The following NRG1 variants were observed in gnomAD, a reference collection of about 807,000 sequenced individuals.
The protein encoded by NRG1 is pro-neuregulin-1, membrane-bound isoform.
NRG1 carries 18 observed loss-of-function variants against 63.8 expected under a neutral mutation model. That is an observed-to-expected ratio of 0.28 (90% confidence interval 0.19 to 0.42). NRG1 has a LOEUF of 0.42. Among genes scored for constraint, NRG1 ranks in the 10% least tolerant of loss-of-function variants. The probability of loss-of-function intolerance (pLI) is 1.00; values close to 1 mark genes in which losing one functional copy is unlikely to be tolerated. For missense variants in NRG1, 762 were observed against 814.7 expected, an observed-to-expected ratio of 0.94 and a Z score of 0.79; for synonymous variants, 302 against 301.3, an observed-to-expected ratio of 1.00 and a Z score of -0.02.
chr8:32,468,199 T>C (rs1314723532), intron 1 of NRG1, among the ~76,000 whole-genome samples: 1 of 152,140 alleles, frequency 6.6e-6, no homozygotes, highest in Non-Finnish European at 1.5e-5. Flanking sequence ...GGGAACCTAC[T>C]CTTTGAGATA....
chr8:31,932,925 C>A (rs1834983516), intron 1 of NRG1, among the ~76,000 whole-genome samples: 1 of 152,088 alleles, frequency 6.6e-6, no homozygotes, highest in Admixed American at 6.6e-5. Flanking sequence ...CCCTTTAATG[C>A]AAATGTAAGG....
chr8:32,049,234 T>G (rs1219956687), intron 1 of NRG1, among the ~76,000 whole-genome samples: 3 of 152,122 alleles, frequency 2.0e-5, no homozygotes, highest in Admixed American at 2.0e-4. Flanking sequence ...CTGCAGAGCT[T>G]GGTATCAGGC....
intron 1 of NRG1, chr8:32,442,562 C>G (rs1032487064): frequency 6.6e-6 from 1 of 152,258 alleles, no homozygotes; most frequent in Non-Finnish European, 1.5e-5. Flanking sequence ...CTGAGATATT[C>G]GAAAGTCCAG....
chr8:31,981,230 G>T lies in NRG1; in HGVS notation c.37+341799G>T, dbSNP rs569676745. On this transcript the variant is annotated intron_variant, in intron 1 of 10. Coordinates refer to the NRG1 transcript ENST00000519301. ...TATTATCTTCATGTTCCTGGAATTT[G>T]TGATACAAAGAACAATGTATAGCCA... Among the ~76,000 whole-genome samples, 12 of 152,094 alleles carry T rather than the reference G, an allele frequency of 7.9e-5. No individual in the cohort carries two copies. The East Asian group carries it at 1.4e-3, about 17-fold the overall frequency.
chr8:32,245,454 A>G (rs7012841), intron 1 of NRG1, among the ~76,000 whole-genome samples: 24,892 of 152,074 alleles, frequency 0.16, 2,199 homozygotes, highest in East Asian at 0.28. Flanking sequence ...TTTTCCACAA[A>G]GGAGGGGAAG....
Position 32,125,745 on chromosome 8 carries a change from T to G in NRG1, c.38-470083T>G, listed in dbSNP as rs1198139641. On this transcript the variant is annotated intron_variant, in intron 1 of 10. Coordinates refer to the NRG1 transcript ENST00000519301. ...CCTGCACACATCATTTCCCCAAGTC[T>G]TTTGATAAGAAAGATCTCCTTTTTA... 2.0e-5 allele frequency among the ~76,000 whole-genome samples: 3 copies of G among 151,952 alleles called. No individual in the cohort carries two copies. The East Asian group carries it at 5.8e-4, about 29-fold the overall frequency.
intron 1 of NRG1, among the ~76,000 whole-genome samples, chr8:32,407,342 T>A (rs1157197054): frequency 2.2e-5 from 3 of 134,208 alleles, no homozygotes; most frequent in Non-Finnish European, 4.8e-5. Flanking sequence ...TGGCCAACCA[T>A]ATATCTATTA....
At chr8:31,834,330 C>CACACACACACAT (rs34893626) in intron 1 of NRG1, among the ~76,000 whole-genome samples, 2,511 of 151,442 alleles carry the variant, frequency 0.017, 52 homozygotes, top group East Asian at 0.068. Flanking sequence ...CACACACACA[C>CACACACACACAT]GCACACCAAT....
intron 1 of NRG1, among the ~76,000 whole-genome samples, chr8:31,813,524 T>TCTTTTCTTTTC (rs1196353618): frequency 1.1e-4 from 15 of 139,708 alleles, no homozygotes; most frequent in South Asian, 4.6e-4. Context: ...TTCTTTTTTT[T>TCTTTTCTTTTC]TTTTTTTTTG....
At chr8:31,768,751 A>G (rs936816718) in intron 1 of NRG1, among the ~76,000 whole-genome samples, 2 of 152,184 alleles carry the variant, frequency 1.3e-5, no homozygotes, top group African/African-American at 2.4e-5. Flanking sequence ...TGATGTTCCT[A>G]ACTGGTCGCA....
chr8:32,647,765 C>T (rs1423483693), intron 5 of NRG1: 4 of 1,605,546 alleles, frequency 2.5e-6, no homozygotes, highest in Non-Finnish European at 3.4e-6. Context: ...CCGAGAGGTC[C>T]TCCAGCCCCT....
rs2129494699 is a variant in NRG1 at position 32,490,661 on chromosome 8, C to A, written c.38-105167C>A. Among the ~76,000 whole-genome samples the A allele has an allele frequency of 1.3e-5, 2 of 152,278 alleles. 1 individual carries two copies. Among genetic ancestry groups the A allele is most frequent in the South Asian group, 4.1e-4 (2 of 4,826 alleles). On this transcript the variant is annotated intron_variant, in intron 1 of 10. Coordinates refer to the NRG1 transcript ENST00000519301. ...TGTTAGAGCTGAAGGACACCTAAAG[C>A]CCCAAACAACTGCCAGAGACCAAAA...
intron 5 of NRG1, among the ~76,000 whole-genome samples, chr8:32,634,722 T>C (rs556830252): frequency 1.1e-4 from 17 of 152,228 alleles, no homozygotes; most frequent in Non-Finnish European, 2.1e-4. Flanking sequence ...AAAAATTTTA[T>C]TGTAGAGCCC....
chr8:31,770,222 C>T (rs921199977), intron 1 of NRG1, among the ~76,000 whole-genome samples: 1 of 152,132 alleles, frequency 6.6e-6, no homozygotes, highest in Non-Finnish European at 1.5e-5. Context: ...TAGAAAGGTA[C>T]ACACACGTGT....
At chr8:32,596,441 T>G (rs1843382335) in intron 2 of NRG1, among the ~76,000 whole-genome samples, 1 of 151,750 alleles carries the variant, frequency 6.6e-6, no homozygotes, top group Non-Finnish European at 1.5e-5. Flanking sequence ...CTGTCTCTAC[T>G]AAAAACACAA....
chr8:32,721,808 A>G, intron 5 of NRG1: 1 of 1,316,158 alleles, frequency 7.6e-7, no homozygotes. Flanking sequence ...CTTGGCATCT[A>G]GAGAAGCTAC....
chr8:31,808,097 C>T (rs13282705), intron 1 of NRG1, among the ~76,000 whole-genome samples: 113,003 of 151,836 alleles, frequency 0.74, 42,550 homozygotes, highest in East Asian at 0.99. Flanking sequence ...CTCTTTTCAT[C>T]TTTTAACTGG....
At chr8:31,897,502 A>T (rs1831671659) in intron 1 of NRG1, among the ~76,000 whole-genome samples, 1 of 152,184 alleles carries the variant, frequency 6.6e-6, no homozygotes, top group Admixed American at 6.5e-5. Context: ...CATTCTGAAG[A>T]GAATCCCTTT....
chr8:32,095,031 C>A (rs1829714404), intron 1 of NRG1, among the ~76,000 whole-genome samples: 1 of 151,748 alleles, frequency 6.6e-6, no homozygotes, highest in African/African-American at 2.4e-5. Context: ...CCTGCCTTAG[C>A]CTCCCAAGTA....
Sources: gnomAD v4.1 joint callset for allele counts (sites outside exome capture counted in the v4.1 genomes callset) on GRCh38, gnomAD v4.1.1 for gene constraint, MANE v1.5 for transcripts, NCBI Gene and HGNC (gene_info 2026-07-23, HGNC 2026-07-21) for gene names.